TMEM45A: variants seen among roughly 807,000 people sequenced by gnomAD.
TMEM45A encodes DNA polymerase-transactivated protein 4.
In TMEM45A, 25 loss-of-function variants were observed where a neutral mutation model predicts 32.0. The observed-to-expected ratio is 0.78, with a 90% CI of 0.57 to 1.09. The LOEUF (loss-of-function observed/expected upper bound fraction) is 1.09, where lower values mean the gene tolerates loss of function less well. TMEM45A is among the 50% of genes least tolerant of loss of function. The probability of loss-of-function intolerance (pLI) is 0.00; values close to 1 mark genes in which losing one functional copy is unlikely to be tolerated. For synonymous variants in TMEM45A, 122 were observed against 114.8 expected (o/e 1.06, Z -0.40); for missense variants, 302 against 325.0 (o/e 0.93, Z 0.54).
chr3:100,498,689 G>T (rs1707968647), intron 1 of TMEM45A, among the ~76,000 whole-genome samples: 1 of 152,152 alleles, frequency 6.6e-6, no homozygotes, highest in Non-Finnish European at 1.5e-5. Flanking sequence ...AAACATTGGT[G>T]TACAAATATC....
chr3:100,524,098 C>T (rs1705494336), intron 1 of TMEM45A, among the ~76,000 whole-genome samples: 1 of 152,174 alleles, frequency 6.6e-6, no homozygotes, highest in Non-Finnish European at 1.5e-5. Flanking sequence ...TCATAGAAAC[C>T]CTGGAAAGTT....
intron 1 of TMEM45A, among the ~76,000 whole-genome samples, chr3:100,508,807 A>AT (rs1359109195): frequency 1.3e-5 from 2 of 151,544 alleles, no homozygotes; most frequent in African/African-American, 4.9e-5. Context: ...CTCTCACTAT[A>AT]TAAAAAAAAA....
rs1392196211 is a variant in TMEM45A, at chr3:100,539,450, T to TATATGCATATGCATATGC, written c.-3-15754_-3-15753insCATATGCATATGCATATG. Among the ~76,000 whole-genome samples, 297 of 115,052 alleles carry TATATGCATATGCATATGC rather than the reference T, an allele frequency of 2.6e-3. 2 individuals carry two copies. The highest frequency in any genetic ancestry group is 4.0e-3 in the Non-Finnish European group (230 of 57,302). 75.5% of individuals were successfully genotyped at this position (115,052 alleles called of 152,430 possible). On this transcript the variant is annotated intron_variant, in intron 1 of 5. Coordinates refer to ENST00000323523, the MANE Select transcript of TMEM45A (RefSeq NM_018004.3). ...CCAATAGGATATGTATATGTATATG[T>TATATGCATATGCATATGC]ATATGTATATGTATATGTATATGTA...
At chr3:100,574,904 G>C (rs993206120) in intron 5 of TMEM45A, among the ~76,000 whole-genome samples, 7 of 152,020 alleles carry the variant, frequency 4.6e-5, no homozygotes, top group African/African-American at 1.7e-4. Context: ...AAGACCAAGG[G>C]TTAAATTTTC....
chr3:100,557,613 A>G (rs1706249562), intron 3 of TMEM45A, among the ~76,000 whole-genome samples: 1 of 152,136 alleles, frequency 6.6e-6, no homozygotes, highest in Non-Finnish European at 1.5e-5. Context: ...GGAAATAGAT[A>G]ACCACAAATT....
intron 1 of TMEM45A, among the ~76,000 whole-genome samples, chr3:100,516,579 T>A (rs1237626954): frequency 6.6e-6 from 1 of 152,212 alleles, no homozygotes; most frequent in Non-Finnish European, 1.5e-5. Flanking sequence ...CTCTTCCCTT[T>A]ATTTCCTTCC....
At chr3:100,537,481 G>A (rs1393199372) in intron 1 of TMEM45A, among the ~76,000 whole-genome samples, 1 of 152,146 alleles carries the variant, frequency 6.6e-6, no homozygotes, top group Non-Finnish European at 1.5e-5. Flanking sequence ...TCCAAACAAA[G>A]CCATTTTGGA....
At chr3:100,574,040 G>A (rs58740980) in intron 5 of TMEM45A, 31,803 of 152,070 alleles carry the variant, frequency 0.21, 4,239 homozygotes, top group African/African-American at 0.36. Context: ...TGTTCATCAA[G>A]GATATTGGTC....
At chr3:100,529,451 T>C (rs1430170548) in intron 1 of TMEM45A, among the ~76,000 whole-genome samples, 1 of 152,104 alleles carries the variant, frequency 6.6e-6, no homozygotes, top group Non-Finnish European at 1.5e-5. Flanking sequence ...TGGGAGGCCA[T>C]GCTGCAGCGA....
chr3:100,567,178 G>A (rs886589914), intron 4 of TMEM45A, among the ~76,000 whole-genome samples: 8 of 151,650 alleles, frequency 5.3e-5, no homozygotes, highest in Admixed American at 2.6e-4. Flanking sequence ...TTATACATGA[G>A]TTAATTTTAT....
intron 1 of TMEM45A, among the ~76,000 whole-genome samples, chr3:100,512,262 A>G (rs1708178381): frequency 6.6e-6 from 1 of 152,224 alleles, no homozygotes; most frequent in African/African-American, 2.4e-5. Flanking sequence ...AACAGAAATT[A>G]TAACAAACTA....
chr3:100,506,129 G>A (rs146439023), intron 1 of TMEM45A, among the ~76,000 whole-genome samples: 40 of 152,308 alleles, frequency 2.6e-4, no homozygotes, highest in Non-Finnish European at 4.9e-4. Context: ...CTCACCAAAG[G>A]CTGGGAATAT....
In TMEM45A at chr3:100,541,657, GTAGC is replaced by G. The variant is rs1286064421; in HGVS notation, c.-3-13550_-3-13547del. ...TGATCCTCCCACTTCAGCTTCCTGT[GTAGC>G]TGGTACTATAGGCAAGTGCCACCAT... On this transcript the variant is annotated intron_variant, in intron 1 of 5. Coordinates refer to ENST00000323523, the MANE Select transcript of TMEM45A (RefSeq NM_018004.3). Among the ~76,000 whole-genome samples the G allele has an allele frequency of 2.6e-5, 4 of 150,956 alleles. No homozygotes were observed. The East Asian group carries it at 7.8e-4, about 30-fold the overall frequency.
At chr3:100,505,664 C>T (rs1393534406) in intron 1 of TMEM45A, among the ~76,000 whole-genome samples, 2 of 152,158 alleles carry the variant, frequency 1.3e-5, no homozygotes, top group African/African-American at 4.8e-5. Flanking sequence ...TCTGTTTCTG[C>T]CCAAGATGGA....
intron 1 of TMEM45A, among the ~76,000 whole-genome samples, chr3:100,502,768 G>C (rs1206468294): frequency 6.6e-6 from 1 of 152,088 alleles, no homozygotes; most frequent in Non-Finnish European, 1.5e-5. Flanking sequence ...ACTGGACCTG[G>C]TCTAAATACT....
At chr3:100,555,566 T>C (rs1706203364) in intron 2 of TMEM45A, among the ~76,000 whole-genome samples, 165 bp downstream of exon 2, 1 of 152,224 alleles carries the variant, frequency 6.6e-6, no homozygotes, top group South Asian at 2.1e-4. Context: ...AATCAAGTTA[T>C]TATGGAAAAG....
At chr3:100,535,402 C>A (rs978511858) in intron 1 of TMEM45A, among the ~76,000 whole-genome samples, 3 of 152,082 alleles carry the variant, frequency 2.0e-5, no homozygotes, top group East Asian at 1.9e-4. Context: ...TTCCCAACAC[C>A]AAGAGACCGA....
rs922485007 is a variant in TMEM45A, at chr3:100,577,224, C to T, written c.*206C>T. ...TTTTGGGTGATACTTTCATTTTGCA[C>T]ATCATGCACATCATGGTATTCAGGG... On this transcript the variant is annotated 3_prime_UTR_variant, in exon 6 of 6. Transcript: ENST00000323523. The T allele has an allele frequency of 1.1e-5, 5 of 451,112 alleles. No individual in the cohort carries two copies. Among genetic ancestry groups the T allele is most frequent in the Non-Finnish European group, 2.0e-5 (5 of 254,818 alleles). The allele number at this position is 451,112 out of a possible 1,614,324, so 27.9% of individuals were successfully genotyped here.
chr3:100,535,530 C>A (rs1477289964), intron 1 of TMEM45A, among the ~76,000 whole-genome samples: 1 of 152,124 alleles, frequency 6.6e-6, no homozygotes, highest in Non-Finnish European at 1.5e-5. Flanking sequence ...TTTTCACAAA[C>A]TTCTCCCTGC....
Sources: gnomAD v4.1 joint callset for allele counts (sites outside exome capture counted in the v4.1 genomes callset) on GRCh38, gnomAD v4.1.1 for gene constraint, MANE v1.5 for transcripts, NCBI Gene and HGNC (gene_info 2026-07-23, HGNC 2026-07-21) for gene names.